The following ABCC4 variants were observed in gnomAD, a reference collection of about 807,000 sequenced individuals.
The protein encoded by ABCC4 is ATP-binding cassette sub-family C member 4.
In ABCC4, 102 loss-of-function variants were observed where a neutral mutation model predicts 168.5. The ratio of observed to expected loss-of-function variants is 0.61; its 90% confidence interval spans 0.52 to 0.71. ABCC4 has a LOEUF of 0.71. Among genes scored for constraint, ABCC4 ranks in the 30% least tolerant of loss-of-function variants. The pLI is 0.00. For synonymous variants in ABCC4, 617 were observed against 590.7 expected (o/e 1.04, Z -0.65); for missense variants, 1,402 against 1,605.8 (o/e 0.87, Z 2.17).
At chr13:95,144,182 A>G (rs952647376) in intron 19 of ABCC4, among the ~76,000 whole-genome samples, 2 of 151,828 alleles carry the variant, frequency 1.3e-5, no homozygotes, top group Non-Finnish European at 2.9e-5. Context: ...TAAGATATCC[A>G]CATTCATTGG....
intron 19 of ABCC4, among the ~76,000 whole-genome samples, chr13:95,157,965 T>C (rs1391363168): frequency 6.7e-6 from 1 of 150,082 alleles, no homozygotes; most frequent in East Asian, 2.0e-4. Context: ...CCAGCTACTC[T>C]GGAGGCTGAG....
chr13:95,100,268 TTTTTTCTTTAGGTC>T (rs1191822884), intron 20 of ABCC4, among the ~76,000 whole-genome samples: 1 of 152,222 alleles, frequency 6.6e-6, no homozygotes, highest in African/African-American at 2.4e-5. Context: ...GACTCTTAAT[TTTTTTCTTTAGGTC>T]TTAATTAGCT....
intron 1 of ABCC4, among the ~76,000 whole-genome samples, chr13:95,273,816 G>GTTT (rs753327163): frequency 1.8e-4 from 18 of 98,614 alleles, no homozygotes; most frequent in African/African-American, 3.2e-4. Flanking sequence ...TTTTTGGTTT[G>GTTT]TTTTTTTTTT....
chr13:95,244,657 G>GAAATAAATAAAT lies in ABCC4; in HGVS notation c.306+2317_306+2318insATTTATTTATTT, dbSNP rs1189260722. Among the ~76,000 whole-genome samples, 2 of 79,388 alleles carry GAAATAAATAAAT rather than the reference G, an allele frequency of 2.5e-5. 1 individual carries two copies. The highest frequency in any genetic ancestry group is 5.4e-5 in the Non-Finnish European group (2 of 37,020). 52.1% of individuals were successfully genotyped at this position (79,388 alleles called of 152,430 possible). On this transcript the variant is annotated intron_variant, in intron 3 of 30. Transcript: ENST00000645237. ...AGAAAGAAAGAAAGAAAGAAAGAAA[G>GAAATAAATAAAT]AAAGAAAGAAAGAAATCATAGCAGT...
rs182260195 is a variant in ABCC4 at position 95,155,557 on chromosome 13, T to A, written c.2455+5632A>T. Among the ~76,000 whole-genome samples the A allele has an allele frequency of 5.9e-5, 9 of 152,242 alleles. No individual in the cohort carries two copies. In the East Asian group the frequency reaches 1.5e-3, roughly 26 times the overall value. ...GTGTTTTAGCTCTCATTTACCTTAA[T>A]CTATAAAGAAAAAAGAATGATATGA... On this transcript the variant is annotated intron_variant, in intron 19 of 30. Transcript: ENST00000645237.
rs773328777 is a variant in ABCC4, at chr13:95,286,123, CT to C, written c.74+15117del. ...GCTGTGAAACTGCTTTCCAGAAAAA[CT>C]TTTTTTTTTTTTTGAGACGGAGTCT... On this transcript the variant is annotated intron_variant, in intron 1 of 30. Transcript: ENST00000645237. Among the ~76,000 whole-genome samples, 320 of 105,504 alleles carry C rather than the reference CT, an allele frequency of 3.0e-3. 15 individuals are homozygous for C. Among genetic ancestry groups the C allele is most frequent in the African/African-American group, 8.2e-3 (249 of 30,534 alleles). The allele number at this position is 105,504 out of a possible 152,430, so 69.2% of individuals were successfully genotyped here. A position where few individuals can be genotyped will look rare whatever the true frequency, so the allele number is the denominator to read the frequency against.
At chr13:95,099,424 G>T (rs1463829473) in intron 20 of ABCC4, among the ~76,000 whole-genome samples, 1 of 152,098 alleles carries the variant, frequency 6.6e-6, no homozygotes, top group African/African-American at 2.4e-5. Flanking sequence ...GTGGATATTG[G>T]AATGTACACA....
At chr13:95,118,892 C>T (rs928850202) in intron 19 of ABCC4, among the ~76,000 whole-genome samples, 3 of 152,192 alleles carry the variant, frequency 2.0e-5, no homozygotes, top group Non-Finnish European at 2.9e-5. Flanking sequence ...TCGAATTTCT[C>T]TTGACAGGGC....
intron 1 of ABCC4, among the ~76,000 whole-genome samples, chr13:95,276,445 T>C (rs1451100437): frequency 7.1e-6 from 1 of 140,664 alleles, no homozygotes; most frequent in African/African-American, 2.6e-5. Flanking sequence ...TGAACGAAGC[T>C]GCAATAAGCT....
At chr13:95,126,955 T>G (rs1208759385) in intron 19 of ABCC4, among the ~76,000 whole-genome samples, 1 of 151,054 alleles carries the variant, frequency 6.6e-6, no homozygotes, top group South Asian at 2.1e-4. Context: ...TCTTTAAAAA[T>G]TCAGATAAAA....
chr13:95,266,109 T>C (rs1201967027), intron 1 of ABCC4: 2 of 152,254 alleles, frequency 1.3e-5, no homozygotes, highest in Non-Finnish European at 2.9e-5. Context: ...CTGTGAGTAT[T>C]ACCTTTCCTG....
chr13:95,159,774 T>G (rs891059668), intron 19 of ABCC4, among the ~76,000 whole-genome samples: 3 of 152,202 alleles, frequency 2.0e-5, no homozygotes, highest in Non-Finnish European at 4.4e-5. Context: ...TGCACAGTGC[T>G]TGGACTGAAA....
chr13:95,064,488 C>G (rs750170270), intron 25 of ABCC4, among the ~76,000 whole-genome samples: 1 of 115,428 alleles, frequency 8.7e-6, no homozygotes, highest in Non-Finnish European at 1.8e-5. Context: ...CACACACATA[C>G]ACACACACAC....
chr13:95,239,206 T>C (rs1296829085), intron 3 of ABCC4, among the ~76,000 whole-genome samples: 1 of 151,822 alleles, frequency 6.6e-6, no homozygotes, highest in Non-Finnish European at 1.5e-5. Context: ...AATCATATTA[T>C]GGGTAATAGT....
intron 3 of ABCC4, 83 bp downstream of exon 3, chr13:95,246,892 C>T: frequency 1.4e-6 from 2 of 1,474,440 alleles, no homozygotes; most frequent in South Asian, 1.3e-5. Flanking sequence ...TCTGTTCCCC[C>T]ATCCATTACA....
chr13:95,083,072 C>T lies in ABCC4; in HGVS notation c.2686+68G>A, dbSNP rs59816567. ...CAGAGTCTGCCGAATTTCAGGGGGTCTCTGTAATTTATGGCATAAATGGAA... is the reference window on the plus strand; with the variant it reads ...CAGAGTCTGCCGAATTTCAGGGGGTTTCTGTAATTTATGGCATAAATGGAA... On this transcript the variant is annotated intron_variant, in intron 21 of 30. Coordinates refer to ENST00000645237, the MANE Select transcript of ABCC4 (RefSeq NM_005845.5). The T allele has an allele frequency of 0.011, 17,285 of 1,534,046 alleles. 1,554 individuals are homozygous for T. The African/African-American group carries it at 0.2, about 18-fold the overall frequency.
intron 28 of ABCC4, 65 bp from the exon 29 acceptor site, chr13:95,043,852 G>T: frequency 9.1e-7 from 1 of 1,102,288 alleles, no homozygotes; most frequent in Non-Finnish European, 1.4e-6. Flanking sequence ...GACTTAAAAA[G>T]CTCTACTTCA....
intron 4 of ABCC4, among the ~76,000 whole-genome samples, chr13:95,217,291 T>C (rs2039143631): frequency 6.6e-6 from 1 of 152,206 alleles, no homozygotes; most frequent in Non-Finnish European, 1.5e-5. Context: ...AATATCACCA[T>C]CAAAGGGAGG....
At position 95,194,928 on chromosome 13, in the gene ABCC4, G is replaced by A. The variant is rs1413835133; in HGVS notation, c.1171C>T (p.Leu391=). ...TTGCGCTGTGATATCTCATCAAGTA[G>A]CAAAAAGGTCTAAAGAAAATGGGAA... The part of the protein sequence containing the change: ...VSIRRIQTFL[L]LDEISQRNRQ... The change falls in exon 9 of 31, where the codon CTA becomes TTA. Residue 391 remains leucine, a synonymous_variant. Transcript: ENST00000645237. The A allele has an allele frequency of 1.2e-6, 2 of 1,612,988 alleles. No homozygotes were observed. Among genetic ancestry groups the A allele is most frequent in the African/African-American group, 2.7e-5 (2 of 74,828 alleles).
Sources: allele counts gnomAD v4.1 joint callset (sites outside exome capture counted in the v4.1 genomes callset), GRCh38; gene constraint gnomAD v4.1.1; transcripts MANE v1.5; gene names NCBI Gene and HGNC (gene_info 2026-07-23, HGNC 2026-07-21).